COG6: variants seen among roughly 807,000 people sequenced by gnomAD.
COG6 encodes the protein component of oligomeric golgi complex 6.
COG6 carries 74 observed loss-of-function variants against 88.8 expected under a neutral mutation model. The ratio of observed to expected loss-of-function variants is 0.83; its 90% CI spans 0.69 to 1.01. The LOEUF is 1.01. Ranked by LOEUF, COG6 falls within the 50% of genes least tolerant of loss-of-function variation. The pLI, the probability that COG6 is intolerant of heterozygous loss-of-function variation, is 0.00. For missense variants in COG6, 800 were observed against 797.9 expected (o/e 1.00, Z -0.03); for synonymous variants, 286 against 278.7 (o/e 1.03, Z -0.26).
chr13:39,767,785 G>T (rs562754828), intron 18 of COG6, among the ~76,000 whole-genome samples: 1 of 152,184 alleles, frequency 6.6e-6, no homozygotes, highest in Non-Finnish European at 1.5e-5. Context: ...AATCTGCCAC[G>T]AAGGCAACTA....
intron 18 of COG6, among the ~76,000 whole-genome samples, chr13:39,771,644 G>A (rs141076778): frequency 9.8e-5 from 15 of 152,362 alleles, no homozygotes; most frequent in Non-Finnish European, 1.8e-4. Context: ...ACTTGCCTGA[G>A]GAAGATAATA....
Position 39,660,231 on chromosome 13 carries a change from C to T in COG6, c.298-579C>T, listed in dbSNP as rs560955446. Among the ~76,000 whole-genome samples the T allele has an allele frequency of 1.1e-4, 16 of 152,150 alleles. No individual in the cohort carries two copies. In the East Asian group the frequency reaches 2.3e-3, roughly 22 times the overall value. ...ATGGACTCTTGCTATGTTGCCTGGG[C>T]TGGAGTGTAGTGGCTGTTCCCAGGT... is the stretch of plus-strand genomic sequence containing the variant. On this transcript the variant is annotated intron_variant, in intron 2 of 18. Transcript: ENST00000455146.
intron 18 of COG6, among the ~76,000 whole-genome samples, chr13:39,772,457 C>A (rs1881346992): frequency 6.6e-6 from 1 of 152,190 alleles, no homozygotes; most frequent in African/African-American, 2.4e-5. Flanking sequence ...GTCTTTATTT[C>A]TTCAGCTCTC....
At chr13:39,678,362 T>C (rs1876102094) in intron 5 of COG6, among the ~76,000 whole-genome samples, 1 of 152,102 alleles carries the variant, frequency 6.6e-6, no homozygotes, top group African/African-American at 2.4e-5. Flanking sequence ...GTCTGAGCCA[T>C]AGTACCTACC....
intron 10 of COG6, among the ~76,000 whole-genome samples, chr13:39,688,595 C>T (rs1406648588): frequency 6.6e-6 from 1 of 152,146 alleles, no homozygotes; most frequent in African/African-American, 2.4e-5. Context: ...ATAGCCCAAA[C>T]ATCTCCCACA....
chr13:39,779,051 G>A (rs1057224346), intron 18 of COG6, among the ~76,000 whole-genome samples: 12 of 152,186 alleles, frequency 7.9e-5, no homozygotes, highest in Admixed American at 2.6e-4. Context: ...TTTGAAGAGA[G>A]GAGTGTCAAA....
chr13:39,721,357 G>A (rs1335214292), intron 15 of COG6, among the ~76,000 whole-genome samples: 3 of 152,078 alleles, frequency 2.0e-5, no homozygotes, highest in Non-Finnish European at 4.4e-5. Context: ...TTTTACATGT[G>A]TTTTAACATT....
At chr13:39,692,272 A>G (rs1014471075) in intron 11 of COG6, among the ~76,000 whole-genome samples, 1 of 151,886 alleles carries the variant, frequency 6.6e-6, no homozygotes, top group African/African-American at 2.4e-5. Flanking sequence ...ACCAGAACTA[A>G]TATATTAAAT....
chr13:39,750,714 C>A (rs1197179076), intron 18 of COG6, among the ~76,000 whole-genome samples: 1 of 151,988 alleles, frequency 6.6e-6, no homozygotes, highest in East Asian at 1.9e-4. Context: ...ACAGTCCATG[C>A]CCTCTGCAAC....
intron 1 of COG6, 39 bp from the exon 2 acceptor site, chr13:39,659,325 A>G (rs1874739443): frequency 6.3e-7 from 1 of 1,594,200 alleles, no homozygotes; most frequent in African/African-American, 1.3e-5. Flanking sequence ...CCATTTAAAA[A>G]TTAGTTCCAG....
chr13:39,775,549 A>G (rs535341766), intron 18 of COG6, among the ~76,000 whole-genome samples: 2 of 152,204 alleles, frequency 1.3e-5, no homozygotes, highest in East Asian at 1.9e-4. Context: ...TGGTTTCCTC[A>G]TCACTAAAAC....
intron 8 of COG6, among the ~76,000 whole-genome samples, chr13:39,683,740 T>C (rs1468279417): frequency 1.0e-5 from 1 of 99,432 alleles, no homozygotes; most frequent in East Asian, 2.8e-4. Context: ...GTTAATCTTT[T>C]ATGTATTAAA....
intron 18 of COG6, among the ~76,000 whole-genome samples, chr13:39,779,496 G>A (rs995234466): frequency 2.6e-5 from 4 of 152,170 alleles, no homozygotes; most frequent in Non-Finnish European, 4.4e-5. Flanking sequence ...ACAAAGCCTT[G>A]TTTTTCTTTT....
At chr13:39,690,100 T>A (rs111986235) in intron 11 of COG6, among the ~76,000 whole-genome samples, 4 of 17,538 alleles carry the variant, frequency 2.3e-4, no homozygotes, top group East Asian at 2.5e-3. Context: ...GAGAAAAAAA[T>A]CTATTAAATT....
At chr13:39,691,308 G>T (rs1876966698) in intron 11 of COG6, among the ~76,000 whole-genome samples, 2 of 151,806 alleles carry the variant, frequency 1.3e-5, no homozygotes, top group Admixed American at 6.6e-5. Flanking sequence ...GTCTGCCTTT[G>T]TTTTAAAATG....
Position 39,686,387 on chromosome 13 carries a change from A to G in COG6, c.789-1116A>G, listed in dbSNP as rs566018006. On this transcript the variant is annotated intron_variant, in intron 8 of 18. Coordinates refer to ENST00000455146, the MANE Select transcript of COG6 (RefSeq NM_020751.3). Reference sequence around the variant, plus strand: ...GTCAAGTCAAAGAAATGGGCACTCCAGAGAGCTCCAGGCCATTTTTATAAA... The same window carrying G: ...GTCAAGTCAAAGAAATGGGCACTCCGGAGAGCTCCAGGCCATTTTTATAAA... Among the ~76,000 whole-genome samples the G allele has an allele frequency of 1.2e-4, 18 of 152,348 alleles. No individual in the cohort carries two copies. The South Asian group carries it at 3.1e-3, about 26-fold the overall frequency.
At chr13:39,742,084 A>C (rs1467510513) in intron 18 of COG6, among the ~76,000 whole-genome samples, 1 of 152,222 alleles carries the variant, frequency 6.6e-6, no homozygotes, top group East Asian at 1.9e-4. Context: ...GGCCTGCCTT[A>C]TAAGAGCTCC....
At chr13:39,771,282 G>T (rs1881312319) in intron 18 of COG6, among the ~76,000 whole-genome samples, 1 of 152,296 alleles carries the variant, frequency 6.6e-6, no homozygotes, top group African/African-American at 2.4e-5. Context: ...GTACTGAAAG[G>T]CATTTGCTGT....
At chr13:39,713,322 A>C (rs1488126113) in intron 13 of COG6, among the ~76,000 whole-genome samples, 1 of 152,214 alleles carries the variant, frequency 6.6e-6, no homozygotes, top group African/African-American at 2.4e-5. Context: ...TAATTCTAGT[A>C]TTTGGCCTCC....
Sources: gnomAD v4.1 joint callset for allele counts (sites outside exome capture counted in the v4.1 genomes callset) on GRCh38, gnomAD v4.1.1 for gene constraint, MANE v1.5 for transcripts, NCBI Gene and HGNC (gene_info 2026-07-23, HGNC 2026-07-21) for gene names.